Variants in CCDC191 observed in about 807,000 individuals in gnomAD.
CCDC191 encodes coiled-coil domain containing 191.
In CCDC191, 99 loss-of-function variants were observed where a neutral mutation model predicts 114.0. That is an observed-to-expected ratio of 0.87 (90% confidence interval 0.74 to 1.03). The LOEUF (loss-of-function observed/expected upper bound fraction) is 1.03. Ranked by LOEUF, CCDC191 falls within the 50% of genes least tolerant of loss-of-function variation. The pLI is 0.00. For missense variants in CCDC191, 973 were observed against 1,087.0 expected (o/e 0.90, Z 1.47); for synonymous variants, 351 against 376.0 (o/e 0.93, Z 0.77).
intron 6 of CCDC191, among the ~76,000 whole-genome samples, chr3:114,033,086 C>CTT (rs79462907): frequency 1.4e-5 from 2 of 144,298 alleles, no homozygotes; most frequent in African/African-American, 2.5e-5. Context: ...ATCCATATTT[C>CTT]TTTTTTTTTT....
chr3:113,982,456 T>G (rs756297187), intron 13 of CCDC191, among the ~76,000 whole-genome samples: 1 of 152,160 alleles, frequency 6.6e-6, no homozygotes, highest in Non-Finnish European at 1.5e-5. Flanking sequence ...CTGTGAGGAT[T>G]ACATGATATG....
intron 16 of CCDC191, among the ~76,000 whole-genome samples, chr3:113,974,876 T>C (rs988415088): frequency 2.6e-5 from 4 of 152,212 alleles, no homozygotes; most frequent in Non-Finnish European, 5.9e-5. Context: ...ATCTCTCTCT[T>C]TCTCTCTAAT....
chr3:114,054,590 T>C (rs926633507), intron 1 of CCDC191, among the ~76,000 whole-genome samples: 8 of 152,274 alleles, frequency 5.3e-5, no homozygotes, highest in East Asian at 1.9e-4. Context: ...TGAGCCGAGA[T>C]TGCACCACTG....
At chr3:114,014,564 G>T (rs976891970) in intron 8 of CCDC191, among the ~76,000 whole-genome samples, 6 of 152,156 alleles carry the variant, frequency 3.9e-5, no homozygotes, top group African/African-American at 1.4e-4. Flanking sequence ...GAGCCTGGCG[G>T]GTTCACCCTG....
chr3:113,965,371 A>C lies in CCDC191; in HGVS notation c.2607-12T>G. The C allele has an allele frequency of 6.6e-7, 1 of 1,525,932 alleles. No individual in the cohort carries two copies. Among genetic ancestry groups the C allele is most frequent in the Admixed American group, 2.2e-5 (1 of 45,764 alleles). 94.5% of individuals were successfully genotyped at this position (1,525,932 alleles called of 1,614,324 possible). On this transcript the variant is annotated splice_polypyrimidine_tract_variant and intron_variant, in intron 16 of 16. Coordinates refer to ENST00000295878, the MANE Select transcript of CCDC191 (RefSeq NM_020817.2). ...TCCAGAGGATCCTCCTTTAAGAATAAAGAAGGAAAAAAGTGAAATGTTGAG... is the reference window on the plus strand; with the variant it reads ...TCCAGAGGATCCTCCTTTAAGAATACAGAAGGAAAAAAGTGAAATGTTGAG...
chr3:114,021,905 C>G (rs1223825241), intron 7 of CCDC191, among the ~76,000 whole-genome samples: 2 of 151,894 alleles, frequency 1.3e-5, no homozygotes, highest in East Asian at 3.9e-4. Flanking sequence ...ATTTTTGTAC[C>G]ATGTTTTTAT....
intron 16 of CCDC191, among the ~76,000 whole-genome samples, chr3:113,976,554 C>T (rs974048360): frequency 6.6e-6 from 1 of 151,692 alleles, no homozygotes; most frequent in Non-Finnish European, 1.5e-5. Flanking sequence ...ATCTCTCAGC[C>T]TGTATATAGT....
intron 9 of CCDC191, 114 bp downstream of exon 9, chr3:114,010,658 G>T: frequency 1.1e-6 from 1 of 943,612 alleles, no homozygotes; most frequent in Non-Finnish European, 1.6e-6. Flanking sequence ...GTGCATTGAG[G>T]CAGCTCTAAT....
intron 2 of CCDC191, among the ~76,000 whole-genome samples, chr3:114,053,320 T>A (rs2076721659): frequency 2.0e-5 from 3 of 152,208 alleles, no homozygotes; most frequent in Non-Finnish European, 4.4e-5. Flanking sequence ...AGGCTTCTTT[T>A]CACAACTCCT....
chr3:113,971,466 G>A (rs1940815356), intron 16 of CCDC191, among the ~76,000 whole-genome samples: 1 of 152,146 alleles, frequency 6.6e-6, no homozygotes, highest in Admixed American at 6.6e-5. Flanking sequence ...TTCTGTTAAT[G>A]TGATGTATCA....
intron 2 of CCDC191, among the ~76,000 whole-genome samples, chr3:114,048,340 C>A (rs2076657703): frequency 6.6e-6 from 1 of 152,204 alleles, no homozygotes; most frequent in South Asian, 2.1e-4. Context: ...ATGTGTGTCA[C>A]AACTCCACTC....
intron 7 of CCDC191, among the ~76,000 whole-genome samples, chr3:114,029,705 G>A (rs1011848229): frequency 3.3e-5 from 5 of 152,116 alleles, no homozygotes; most frequent in African/African-American, 7.2e-5. Context: ...CAGTAATTAC[G>A]TCCTCCTTGT....
intron 4 of CCDC191, chr3:114,039,568 G>A (rs1304834386): frequency 6.6e-6 from 1 of 151,960 alleles, no homozygotes; most frequent in Non-Finnish European, 1.5e-5. Flanking sequence ...TCCAGATGAG[G>A]GTAATATTAT....
intron 13 of CCDC191, among the ~76,000 whole-genome samples, chr3:113,988,790 T>C: frequency 6.6e-6 from 1 of 151,988 alleles, no homozygotes; most frequent in East Asian, 1.9e-4. Context: ...TTATAAGGCA[T>C]ATATGTAAGT....
At chr3:113,985,985 G>C (rs1340512492) in intron 13 of CCDC191, among the ~76,000 whole-genome samples, 11 of 152,162 alleles carry the variant, frequency 7.2e-5, no homozygotes. Flanking sequence ...CCAATCATCA[G>C]AACAAGGCTC....
intron 7 of CCDC191, among the ~76,000 whole-genome samples, chr3:114,026,041 G>T (rs2076316480): frequency 6.6e-6 from 1 of 152,032 alleles, no homozygotes; most frequent in African/African-American, 2.4e-5. Context: ...TTAGGGAATG[G>T]GCTTCATTTG....
chr3:114,056,261 G>T, intron 1 of CCDC191, 116 bp downstream of exon 1: 1 of 961,094 alleles, frequency 1.0e-6, no homozygotes. Context: ...GGTCAAGGCA[G>T]GGGCGTGTCA....
intron 12 of CCDC191, among the ~76,000 whole-genome samples, chr3:114,002,090 C>A (rs563100908): frequency 1.0e-3 from 152 of 152,244 alleles, no homozygotes; most frequent in Middle Eastern, 3.4e-3. Context: ...TTGGTAGTTA[C>A]AAAATTTACT....
intron 12 of CCDC191, 31 bp downstream of exon 12, chr3:114,002,425 T>C: frequency 6.8e-7 from 1 of 1,478,420 alleles, no homozygotes; most frequent in Non-Finnish European, 9.4e-7. Flanking sequence ...ATCCTTCTTT[T>C]TTGACTCAGT....
Sources: gnomAD v4.1 joint callset for allele counts (sites outside exome capture counted in the v4.1 genomes callset) on GRCh38, gnomAD v4.1.1 for gene constraint, MANE v1.5 for transcripts, NCBI Gene and HGNC (gene_info 2026-07-23, HGNC 2026-07-21) for gene names.